The following PCDHGB5 variants were observed in gnomAD, a reference collection of about 807,000 sequenced individuals.
PCDHGB5 encodes protocadherin gamma subfamily B, 5.
Under a neutral mutation model 62.9 loss-of-function variants are expected in PCDHGB5, and 48 were observed. The ratio of observed to expected loss-of-function variants is 0.76; its 90% CI spans 0.61 to 0.97. The LOEUF (loss-of-function observed/expected upper bound fraction) is 0.97, where lower values mean the gene tolerates loss of function less well. Ranked by LOEUF, PCDHGB5 falls within the 50% of genes least tolerant of loss-of-function variation. The pLI is 0.00. For synonymous variants in PCDHGB5, 474 were observed against 511.2 expected (o/e 0.93, Z 0.98); for missense variants, 1,118 against 1,198.6 (o/e 0.93, Z 0.99).
chr5:141,418,389 A>G (rs768078575), intron 1 of PCDHGB5: 1 of 1,613,996 alleles, frequency 6.2e-7, no homozygotes, highest in South Asian at 1.1e-5. Context: ...CCTAACGAGT[A>G]TTTCTCATTG....
In PCDHGB5 at chr5:141,505,363, T is replaced by C. The variant is rs751635403; in HGVS notation, c.2457-30T>C. 1.6e-5 allele frequency: 26 copies of C among 1,613,242 alleles called. No individual in the cohort carries two copies. In the Middle Eastern group the frequency reaches 9.9e-4, roughly 61 times the overall value. On this transcript the variant is annotated intron_variant, in intron 2 of 3. Transcript: ENST00000617380. ...GGCATGAGCTGTGCCGGCCTGGGAG[T>C]CTGTGCTCACCATCCTACTCTCTCC... is the stretch of plus-strand genomic sequence containing the variant.
intron 1 of PCDHGB5, among the ~76,000 whole-genome samples, chr5:141,445,429 C>G (rs974775529): frequency 2.6e-5 from 4 of 152,200 alleles, no homozygotes; most frequent in Non-Finnish European, 5.9e-5. Flanking sequence ...ATGCAAGGCA[C>G]TGACCTATGG....
chr5:141,433,564 G>A (rs1380905062), intron 1 of PCDHGB5, among the ~76,000 whole-genome samples: 1 of 152,042 alleles, frequency 6.6e-6, no homozygotes, highest in Non-Finnish European at 1.5e-5. Flanking sequence ...GGCTGGGCGC[G>A]GTGGCTCACG....
intron 1 of PCDHGB5, among the ~76,000 whole-genome samples, chr5:141,483,021 G>A (rs543104114): frequency 6.6e-6 from 1 of 152,126 alleles, no homozygotes; most frequent in East Asian, 1.9e-4. Context: ...GGAGGCAGAG[G>A]TTGCAATGAG....
At position 141,400,392 on chromosome 5, in the gene PCDHGB5, A is replaced by C. The variant is rs2094014497; in HGVS notation, c.2265A>C (p.Thr755=). ...CCTACAACCTATGTGTTGCACATAC[A>C]GGAAAGACGGAGTTTAATTTCCTAA... ...PYSYNLCVAH[T]GKTEFNFLKC... The change falls in exon 1 of 4, where the codon ACA becomes ACC. Residue 755 remains threonine, a synonymous_variant. Transcript: ENST00000617380. 6.2e-7 allele frequency: 1 copy of C among 1,613,942 alleles called. No individual in the cohort carries two copies. The highest frequency in any genetic ancestry group is 1.7e-5 in the Admixed American group (1 of 60,016).
chr5:141,477,819 T>C lies in PCDHGB5; in HGVS notation c.2398-16988T>C. 1.9e-6 allele frequency: 3 copies of C among 1,614,138 alleles called. No individual in the cohort carries two copies. The highest frequency in any genetic ancestry group is 2.5e-6 in the Non-Finnish European group (3 of 1,180,030). On this transcript the variant is annotated intron_variant, in intron 1 of 3. Transcript: ENST00000617380. The surrounding 1 kb of genome is among the most constrained non-coding windows in gnomAD (Gnocchi z 4.9). ...CGCAATGACAATGCCCCCCAGGTCC[T>C]ATATCCTCGGCCAGGTGGGAGCTCG...
At chr5:141,400,789 CTT>C in intron 1 of PCDHGB5, 1 of 561,962 alleles carries the variant, frequency 1.8e-6, no homozygotes, top group Non-Finnish European at 3.1e-6. Flanking sequence ...TTTTTGTCCT[CTT>C]TCTCAAAGCT....
chr5:141,448,323 A>G (rs2098582223), intron 1 of PCDHGB5, among the ~76,000 whole-genome samples: 1 of 152,080 alleles, frequency 6.6e-6, no homozygotes, highest in Non-Finnish European at 1.5e-5. Flanking sequence ...TTTTCTTTGA[A>G]TCTTTATAGC....
At chr5:141,501,305 A>G (rs2099807563) in intron 2 of PCDHGB5, among the ~76,000 whole-genome samples, 1 of 151,322 alleles carries the variant, frequency 6.6e-6, no homozygotes, top group African/African-American at 2.4e-5. Flanking sequence ...ACACACACAC[A>G]CACACACACA....
chr5:141,403,362 G>A lies in PCDHGB5; in HGVS notation c.2397+2838G>A, dbSNP rs200979571. 157 of 1,613,944 alleles carry A rather than the reference G, an allele frequency of 9.7e-5. No homozygotes were observed. Among genetic ancestry groups the A allele is most frequent in the Admixed American group, 4.3e-4 (26 of 60,012 alleles). On this transcript the variant is annotated intron_variant, in intron 1 of 3. Transcript: ENST00000617380. ...AGCGCCCCAAAGTTCCAGGCCGAAA[G>A]TCTGGAAGTAAAAATTAACGAAATC... is the stretch of plus-strand genomic sequence containing the variant.
intron 2 of PCDHGB5, among the ~76,000 whole-genome samples, chr5:141,496,040 AT>A (rs2099765531): frequency 1.3e-5 from 2 of 150,356 alleles, no homozygotes; most frequent in Admixed American, 6.6e-5. Flanking sequence ...TCTGTCTCTC[AT>A]TTTTTTGTGC....
chr5:141,483,013 A>C (rs2154579792), intron 1 of PCDHGB5, among the ~76,000 whole-genome samples: 1 of 152,106 alleles, frequency 6.6e-6, no homozygotes, highest in Middle Eastern at 3.4e-3. Flanking sequence ...TGAACCCGGG[A>C]GGCAGAGGTT....
chr5:141,404,879 G>A (rs770577946), intron 1 of PCDHGB5: 4 of 1,613,906 alleles, frequency 2.5e-6, no homozygotes, highest in Middle Eastern at 1.6e-4. Flanking sequence ...ACAGAGCCTT[G>A]TGGTGGCTGT....
intron 1 of PCDHGB5, among the ~76,000 whole-genome samples, chr5:141,452,316 T>C (rs2098738639): frequency 6.6e-6 from 1 of 152,208 alleles, no homozygotes; most frequent in Non-Finnish European, 1.5e-5. Flanking sequence ...ACTCATACTT[T>C]CCTTGTTCCA....
rs759809060 is a variant in PCDHGB5, at chr5:141,476,317, G to A, written c.2398-18490G>A. 1.2e-6 allele frequency: 2 copies of A among 1,614,170 alleles called. No individual in the cohort carries two copies. Among genetic ancestry groups the A allele is most frequent in the South Asian group, 2.2e-5 (2 of 91,078 alleles). On this transcript the variant is annotated intron_variant, in intron 1 of 3. Coordinates refer to ENST00000617380, the MANE Select transcript of PCDHGB5 (RefSeq NM_018925.3). This position sits in a 1 kb window ranked among gnomAD's most constrained non-coding sequence, Gnocchi z 7.6. Reference sequence around the variant, plus strand: ...GTAGCCTCTCAGCCCGCAGGTTCCGGGTGGTGTCTGGAGCTAGCCGAAGAT... The same window carrying A: ...GTAGCCTCTCAGCCCGCAGGTTCCGAGTGGTGTCTGGAGCTAGCCGAAGAT...
rs1415503184 is a variant in PCDHGB5 at position 141,399,002 on chromosome 5, C to A, written c.875C>A (p.Ser292Ter). 2 of 1,613,830 alleles carry A rather than the reference C, an allele frequency of 1.2e-6. No individual in the cohort carries two copies. Among genetic ancestry groups the A allele is most frequent in the South Asian group, 2.2e-5 (2 of 91,076 alleles). Residue 292 changes from serine to a stop codon, truncating the protein, a stop_gained, in exon 1 of 4, where the codon TCA becomes TAA. Coordinates refer to ENST00000617380, the MANE Select transcript of PCDHGB5 (RefSeq NM_018925.3). LOFTEE classifies it high-confidence loss of function. ...YRTGQIFSLN[S>*]KSGEITTQKK... is the part of the protein sequence containing the mutation. ...ACCGGGCAAATCTTTAGTCTGAATT[C>A]AAAGAGCGGAGAAATTACCACTCAA...
In PCDHGB5 at chr5:141,399,494, G is replaced by T; in HGVS notation, c.1367G>T (p.Ser456Ile). ...PVFHQASYLVSVPENNPPGAS... is the reference protein window; with the variant it reads ...PVFHQASYLVIVPENNPPGAS... Reference sequence around the variant, plus strand: ...TTCCACCAGGCGTCCTACTTAGTCAGTGTACCCGAAAACAACCCTCCTGGG... The same window carrying T: ...TTCCACCAGGCGTCCTACTTAGTCATTGTACCCGAAAACAACCCTCCTGGG... Residue 456 changes from serine (S) to isoleucine (I), a missense_variant, in exon 1 of 4, where the codon AGT (serine) becomes ATT (isoleucine). Around this residue, in one of 2 missense-constraint regions of PCDHGB5, gnomAD observed 1,034 missense variants for 1,029.1 expected, o/e 1.00. Transcript: ENST00000617380. 1 of 1,614,032 alleles carries T rather than the reference G, an allele frequency of 6.2e-7. No homozygotes were observed. Among genetic ancestry groups the T allele is most frequent in the Non-Finnish European group, 8.5e-7 (1 of 1,179,900 alleles).
chr5:141,501,500 C>G (rs1385290676), intron 2 of PCDHGB5, among the ~76,000 whole-genome samples: 1 of 151,934 alleles, frequency 6.6e-6, no homozygotes, highest in Non-Finnish European at 1.5e-5. Context: ...GCTGCTGGGG[C>G]TCCAAGGCCT....
chr5:141,405,106 C>T, intron 1 of PCDHGB5: 1 of 1,613,964 alleles, frequency 6.2e-7, no homozygotes, highest in South Asian at 1.1e-5. Context: ...GGCTGAGGCA[C>T]TGGCACTCCT....
Sources: gnomAD v4.1 joint callset for allele counts (sites outside exome capture counted in the v4.1 genomes callset) on GRCh38, gnomAD v4.1.1 for gene constraint, gnomAD v4.1.1 regional missense constraint, Gnocchi (gnomAD v3.1) non-coding constraint, MANE v1.5 for transcripts, NCBI Gene and HGNC (gene_info 2026-07-23, HGNC 2026-07-21) for gene names.